The following ZMIZ2 variants were observed in gnomAD, a reference collection of about 807,000 sequenced individuals.
ZMIZ2 encodes the protein zinc finger MIZ domain-containing protein 2.
ZMIZ2 carries 26 observed loss-of-function variants against 93.9 expected under a neutral mutation model. That is an observed-to-expected ratio of 0.28 (90% confidence interval 0.20 to 0.38). The LOEUF is 0.38. Ranked by LOEUF, ZMIZ2 falls within the 10% of genes least tolerant of loss-of-function variation. The pLI, the probability that ZMIZ2 is intolerant of heterozygous loss-of-function variation, is 1.00. For missense variants in ZMIZ2, 1,023 were observed against 1,235.0 expected, an observed-to-expected ratio of 0.83 and a Z score of 2.57; for synonymous variants, 485 against 516.4, an observed-to-expected ratio of 0.94 and a Z score of 0.82.
chr7:44,757,648 C>A, intron 5 of ZMIZ2, 87 bp downstream of exon 5: 1 of 1,484,896 alleles, frequency 6.7e-7, no homozygotes, highest in Non-Finnish European at 8.9e-7. Context: ...GCTCCAGGGA[C>A]AAGCATGGAA....
At chr7:44,757,226 C>A (rs1790680069) in intron 4 of ZMIZ2, 77 bp downstream of exon 4, 1 of 1,513,916 alleles carries the variant, frequency 6.6e-7, no homozygotes, top group Non-Finnish European at 8.8e-7. Flanking sequence ...TGGCGCTGAT[C>A]AGCTGGACGT....
Position 44,766,152 on chromosome 7 carries a change from C to G in ZMIZ2, c.2243-12C>G, listed in dbSNP as rs1476476549. On this transcript the variant is annotated splice_polypyrimidine_tract_variant and intron_variant, in intron 16 of 18. Transcript: ENST00000309315. The surrounding 1 kb of genome is among the most constrained non-coding windows in gnomAD (Gnocchi z 4.4). The stretch of plus-strand genomic sequence containing the variant: ...CCCAGCCCTCACCCAGGCCCCGACT[C>G]TCCTCTCACAGGTTCCAGCTTCCTG... 1.2e-6 allele frequency: 2 copies of G among 1,608,446 alleles called. No individual in the cohort carries two copies. Among genetic ancestry groups the G allele is most frequent in the African/African-American group, 1.3e-5 (1 of 74,910 alleles).
At chr7:44,756,154 T>G in intron 1 of ZMIZ2, 34 bp from the exon 2 acceptor site, 2 of 1,569,960 alleles carry the variant, frequency 1.3e-6, no homozygotes, top group Non-Finnish European at 1.7e-6. Flanking sequence ...CCTGGCTGCA[T>G]CGCAGCTAAC....
chr7:44,760,628 A>G (rs1791083226), intron 9 of ZMIZ2, 35 bp downstream of exon 9: 1 of 1,610,922 alleles, frequency 6.2e-7, no homozygotes, highest in African/African-American at 1.3e-5. Flanking sequence ...GCGGGGTGAC[A>G]AGGCCAGGGT....
At chr7:44,752,607 G>A (rs1047611504) in intron 1 of ZMIZ2, among the ~76,000 whole-genome samples, 38 of 152,090 alleles carry the variant, frequency 2.5e-4, no homozygotes, top group African/African-American at 8.4e-4. Context: ...TAAAGGAATC[G>A]TACACCGTGT....
chr7:44,761,031 C>T lies in ZMIZ2; in HGVS notation c.1241-418C>T, dbSNP rs988309462. ...GATTTATGAACCCCGGAAGCCCATT[C>T]CAGGGAGACCACAGCAGCAGAAGTT... On this transcript the variant is annotated intron_variant, in intron 9 of 18. Coordinates refer to ENST00000309315, the MANE Select transcript of ZMIZ2 (RefSeq NM_031449.4). The surrounding 1 kb of genome is among the most constrained non-coding windows in gnomAD (Gnocchi z 5.8). Among the ~76,000 whole-genome samples, 3 of 152,118 alleles carry T rather than the reference C, an allele frequency of 2.0e-5. No homozygotes were observed. The highest frequency in any genetic ancestry group is 6.5e-5 in the Admixed American group (1 of 15,268).
At chr7:44,758,684 G>A (rs1432767792) in intron 6 of ZMIZ2, among the ~76,000 whole-genome samples, 18 of 151,668 alleles carry the variant, frequency 1.2e-4, no homozygotes, top group Non-Finnish European at 2.1e-4. Context: ...AGGCCAAGGC[G>A]GGTGGATCAC....
chr7:44,756,643 T>G, intron 3 of ZMIZ2, 104 bp downstream of exon 3: 1 of 1,294,324 alleles, frequency 7.7e-7, no homozygotes, highest in South Asian at 1.2e-5. Context: ...GGCTGAGAGG[T>G]GAGGACAGAG....
intron 1 of ZMIZ2, chr7:44,749,784 A>AT (rs1789978326): frequency 4.6e-5 from 7 of 152,270 alleles, no homozygotes; most frequent in Non-Finnish European, 8.8e-5. Flanking sequence ...CAGAACATCC[A>AT]TGGTGGTGTC....
In ZMIZ2 at chr7:44,766,194, C is replaced by A. The variant is rs1029992516; in HGVS notation, c.2273C>A (p.Pro758His). ...GSSFLGPGTF[P>H]ESFPPTTPST... ...AGCTTCCTGGGGCCTGGAACTTTCC[C>A]TGAGTCCTTCCCACCCACCACGCCC... Residue 758 changes from proline (P) to histidine (H), a missense_variant, in exon 17 of 19, where the codon CCT (proline) becomes CAT (histidine). Transcript: ENST00000309315. This position sits in a 1 kb window ranked among gnomAD's most constrained non-coding sequence, Gnocchi z 4.4. 1 of 1,612,568 alleles carries A rather than the reference C, an allele frequency of 6.2e-7. No individual in the cohort carries two copies. The highest frequency in any genetic ancestry group is 8.5e-7 in the Non-Finnish European group (1 of 1,179,260).
rs1474394757 is a variant in ZMIZ2 at position 44,761,404 on chromosome 7, C to G, written c.1241-45C>G. 40 of 1,599,242 alleles carry G rather than the reference C, an allele frequency of 2.5e-5. No individual in the cohort carries two copies. The highest frequency in any genetic ancestry group is 3.1e-5 in the Non-Finnish European group (36 of 1,175,594). On this transcript the variant is annotated intron_variant, in intron 9 of 18. Coordinates refer to ENST00000309315, the MANE Select transcript of ZMIZ2 (RefSeq NM_031449.4). This position sits in a 1 kb window ranked among gnomAD's most constrained non-coding sequence, Gnocchi z 5.8. ...CCCTCCTTGAGTGACACAAGACGCT[C>G]TGGCTGGGGCAACCCAGCTCACAGC... is the stretch of plus-strand genomic sequence containing the variant.
Position 44,757,859 on chromosome 7 carries a change from A to G in ZMIZ2, c.564A>G (p.Gly188=), listed in dbSNP as rs1326389840. The G allele has an allele frequency of 1.3e-6, 2 of 1,576,096 alleles. No individual in the cohort carries two copies. The highest frequency in any genetic ancestry group is 1.4e-5 in the African/African-American group (1 of 73,384). ...ELSQYGAMGA[G]QSFNSQFLQH... The stretch of plus-strand genomic sequence containing the variant: ...TTTTCTCTTCCTAGATGGGGGCCGG[A>G]CAGTCTTTTAACAGCCAGTTTCTGC... Residue 188 remains glycine (G), a synonymous_variant, in exon 6 of 19, where the codon GGA becomes GGG. Transcript: ENST00000309315.
At chr7:44,760,699 G>A in intron 9 of ZMIZ2, 106 bp downstream of exon 9, 1 of 1,391,910 alleles carries the variant, frequency 7.2e-7, no homozygotes, top group Non-Finnish European at 9.8e-7. Flanking sequence ...ACAGGGGATG[G>A]CTGCCATATC....
At position 44,763,502 on chromosome 7, in the gene ZMIZ2, GAACTCCGAGTGCCTTGGCTGTCAGGCT is replaced by G; in HGVS notation, c.1860+90_1860+116del. 1 of 1,522,020 alleles carries G rather than the reference GAACTCCGAGTGCCTTGGCTGTCAGGCT, an allele frequency of 6.6e-7. No homozygotes were observed. Among genetic ancestry groups the G allele is most frequent in the Non-Finnish European group, 8.9e-7 (1 of 1,124,998 alleles). The allele number at this position is 1,522,020 out of a possible 1,614,324, so 94.3% of individuals were successfully genotyped here. ...TCAGTGTCATTCTCTGGACAGACGT[GAACTCCGAGTGCCTTGGCTGTCAGGCT>G]GACAGGACAGGCCTCCCACGCCAAG... On this transcript the variant is annotated intron_variant, in intron 13 of 18. Transcript: ENST00000309315. The surrounding 1 kb of genome is among the most constrained non-coding windows in gnomAD (Gnocchi z 5.6).
At chr7:44,762,559 G>A (rs547697931) in intron 11 of ZMIZ2, among the ~76,000 whole-genome samples, 28 of 152,322 alleles carry the variant, frequency 1.8e-4, no homozygotes, top group African/African-American at 6.5e-4. Flanking sequence ...GCGAGCAGGG[G>A]GAACGTTCAA....
Position 44,760,238 on chromosome 7 carries a change from CTGGCCGGGAGGAT to C in ZMIZ2, c.1071+11_1071+23del, listed in dbSNP as rs1791037406. 5 of 1,609,306 alleles carry C rather than the reference CTGGCCGGGAGGAT, an allele frequency of 3.1e-6. No homozygotes were observed. Among genetic ancestry groups the C allele is most frequent in the Non-Finnish European group, 4.2e-6 (5 of 1,177,586 alleles). On this transcript the variant is annotated intron_variant, in intron 8 of 18. Coordinates refer to ENST00000309315, the MANE Select transcript of ZMIZ2 (RefSeq NM_031449.4). ...ACCTGGCCTGAGTGGGGTAGGGGGC[CTGGCCGGGAGGAT>C]GGGCCGGGAGGCTCACAGGGTGGGC...
chr7:44,757,704 G>A, intron 5 of ZMIZ2, 143 bp downstream of exon 5: 1 of 1,438,328 alleles, frequency 7.0e-7, no homozygotes, highest in South Asian at 1.5e-5. Flanking sequence ...GTGTGGGAAG[G>A]AGTGAGGGTC....
rs976610335 is a variant in ZMIZ2 at position 44,769,333 on chromosome 7, G to C, written c.*1710G>C. ...AGGCACTAGAGGAGGGCATCTGTCT[G>C]TGGGAGCCCAGAGGCTGCAGGGAGG... is the stretch of plus-strand genomic sequence containing the variant. On this transcript the variant is annotated 3_prime_UTR_variant, in exon 19 of 19. Transcript: ENST00000309315. 1 of 152,850 alleles carries C rather than the reference G, an allele frequency of 6.5e-6. No individual in the cohort carries two copies. 9.5% of individuals were successfully genotyped at this position (152,850 alleles called of 1,614,324 possible).
rs1791381208 is a variant in ZMIZ2, at chr7:44,763,216, G to A, written c.1703-40G>A. On this transcript the variant is annotated intron_variant, in intron 12 of 18. Transcript: ENST00000309315. The surrounding 1 kb of genome is among the most constrained non-coding windows in gnomAD (Gnocchi z 5.6). ...ATCCCCATTCACACCTCCCCATCTT[G>A]GGGACCCTTTACTCAAGTCCTTTAC... is the stretch of plus-strand genomic sequence containing the variant. The A allele has an allele frequency of 6.2e-7, 1 of 1,601,968 alleles. No homozygotes were observed. The highest frequency in any genetic ancestry group is 1.3e-5 in the African/African-American group (1 of 74,778).
Sources: gnomAD v4.1 joint callset for allele counts (sites outside exome capture counted in the v4.1 genomes callset) on GRCh38, gnomAD v4.1.1 for gene constraint, Gnocchi (gnomAD v3.1) non-coding constraint, MANE v1.5 for transcripts, NCBI Gene and HGNC (gene_info 2026-07-23, HGNC 2026-07-21) for gene names.